MCM3AP: variants seen among roughly 807,000 people sequenced by gnomAD.
The protein encoded by MCM3AP is minichromosome maintenance complex component 3 associated protein, also known as germinal-center associated nuclear protein.
In MCM3AP, 126 loss-of-function variants were observed where a neutral mutation model predicts 184.1. The ratio of observed to expected loss-of-function variants is 0.68; its 90% confidence interval spans 0.59 to 0.79. The LOEUF (loss-of-function observed/expected upper bound fraction) is 0.79. Among genes scored for constraint, MCM3AP ranks in the 30% least tolerant of loss-of-function variants. MCM3AP has a pLI of 0.00. For synonymous variants in MCM3AP, 1,002 were observed against 979.3 expected (o/e 1.02, Z -0.43); for missense variants, 2,496 against 2,479.2 (o/e 1.01, Z -0.14).
At chr21:46,248,894 T>C (rs1449084690) in intron 20 of MCM3AP, among the ~76,000 whole-genome samples, 5 of 152,222 alleles carry the variant, frequency 3.3e-5, no homozygotes, top group South Asian at 2.1e-4. Flanking sequence ...AGAGGATCAA[T>C]TGATGAGGCC....
intron 4 of MCM3AP, among the ~76,000 whole-genome samples, chr21:46,279,447 C>T (rs1030043554): frequency 6.6e-6 from 1 of 152,256 alleles, no homozygotes; most frequent in South Asian, 2.1e-4. Context: ...TCCTGTGAGG[C>T]AGGCAGCGAC....
chr21:46,278,164 G>GA lies in MCM3AP; in HGVS notation c.1668-448dup, dbSNP rs10581831. On this transcript the variant is annotated intron_variant, in intron 4 of 27. Transcript: ENST00000291688. ...GTGAGACTCTAACTTACCACCCCCCGAAAAAAAAAAAAAGATAGGCTCATT... is the reference window on the plus strand; with the variant it reads ...GTGAGACTCTAACTTACCACCCCCCGAAAAAAAAAAAAAAGATAGGCTCATT... 8.7e-3 allele frequency among the ~76,000 whole-genome samples: 1,209 copies of GA among 139,082 alleles called. 14 individuals are homozygous for GA. The highest frequency in any genetic ancestry group is 0.03 in the African/African-American group (1,113 of 36,692). 91.2% of individuals were successfully genotyped at this position (139,082 alleles called of 152,430 possible). A position where few individuals can be genotyped will look rare whatever the true frequency, so the allele number is the denominator to read the frequency against.
chr21:46,263,620 C>T (rs988228810), intron 13 of MCM3AP, among the ~76,000 whole-genome samples: 3 of 150,758 alleles, frequency 2.0e-5, no homozygotes, highest in African/African-American at 7.3e-5. Context: ...AGCATCTCCA[C>T]AAAAAATAAA....
At chr21:46,279,910 C>A (rs1032985582) in intron 4 of MCM3AP, 83 bp downstream of exon 4, 5 of 1,426,620 alleles carry the variant, frequency 3.5e-6, no homozygotes, top group Non-Finnish European at 3.8e-6. Context: ...TCCCCACAGT[C>A]TTGCACCCTG....
intron 4 of MCM3AP, among the ~76,000 whole-genome samples, chr21:46,279,521 T>TCGG (rs2081300360): frequency 6.6e-6 from 1 of 152,242 alleles, no homozygotes; most frequent in Non-Finnish European, 1.5e-5. Context: ...GGACAGAAGT[T>TCGG]CTGCTGTCCT....
At chr21:46,275,362 A>G (rs755485799) in intron 5 of MCM3AP, 37 bp from the exon 6 acceptor site, 10 of 1,590,312 alleles carry the variant, frequency 6.3e-6, no homozygotes, top group Middle Eastern at 1.7e-4. Context: ...AATGTACCAC[A>G]TGGTTAGCAC....
chr21:46,246,170 A>T, intron 22 of MCM3AP, 137 bp downstream of exon 22: 1 of 625,750 alleles, frequency 1.6e-6, no homozygotes, highest in Non-Finnish European at 2.9e-6. Flanking sequence ...TCATCATGCC[A>T]CTATACTGGG....
chr21:46,260,207 G>T lies in MCM3AP; in HGVS notation c.3581+586C>A, dbSNP rs533883781. Among the ~76,000 whole-genome samples the T allele has an allele frequency of 4.4e-4, 67 of 152,276 alleles. 1 individual carries two copies. Among genetic ancestry groups the T allele is most frequent in the Non-Finnish European group, 7.8e-4 (53 of 68,014 alleles). On this transcript the variant is annotated intron_variant, in intron 15 of 27. Transcript: ENST00000291688. ...GGTAAAAAGAATTAAGTGGAACAGGGTGCCAAATTATAGGTCCATAGGGGC... is the reference window on the plus strand; with the variant it reads ...GGTAAAAAGAATTAAGTGGAACAGGTTGCCAAATTATAGGTCCATAGGGGC...
intron 4 of MCM3AP, 47 bp from the exon 5 acceptor site, chr21:46,277,764 T>C: frequency 8.0e-7 from 1 of 1,250,324 alleles, no homozygotes; most frequent in Non-Finnish European, 1.1e-6. Context: ...AGGAAGGCCT[T>C]CAGAGCATTT....
At chr21:46,261,491 T>C (rs539654047) in intron 13 of MCM3AP, 80 bp from the exon 14 acceptor site, 2 of 1,317,696 alleles carry the variant, frequency 1.5e-6, no homozygotes, top group African/African-American at 1.4e-5. Context: ...TCCCAGCACT[T>C]TGGGAGGCTG....
At chr21:46,251,805 TACC>T (rs2080873915) in intron 19 of MCM3AP, 123 bp from the exon 20 acceptor site, 2 of 518,228 alleles carry the variant, frequency 3.9e-6, no homozygotes, top group South Asian at 2.4e-5. Flanking sequence ...GGTCCACAAA[TACC>T]ACATCTTACT....
At chr21:46,236,795 T>G in intron 27 of MCM3AP, 34 bp downstream of exon 27, 2 of 1,449,620 alleles carry the variant, frequency 1.4e-6, no homozygotes, top group African/African-American at 1.5e-5. Flanking sequence ...TCTTTAATTC[T>G]TATGTAAATG....
At chr21:46,276,264 GAA>G (rs751873210) in intron 5 of MCM3AP, among the ~76,000 whole-genome samples, 1 of 129,880 alleles carries the variant, frequency 7.7e-6, no homozygotes. Flanking sequence ...CCATCTCGAG[GAA>G]AAAAAAAAAA....
intron 4 of MCM3AP, among the ~76,000 whole-genome samples, chr21:46,278,071 A>C (rs960617991): frequency 6.6e-6 from 1 of 151,956 alleles, no homozygotes; most frequent in Non-Finnish European, 1.5e-5. Flanking sequence ...GGATTGCTTG[A>C]GCCTGGCAGG....
chr21:46,252,504 T>G (rs2080889436), intron 19 of MCM3AP: 1 of 149,952 alleles, frequency 6.7e-6, no homozygotes, highest in South Asian at 2.1e-4. Context: ...CTGGGCAACA[T>G]CACAAAACCC....
At chr21:46,278,582 C>T (rs2081283402) in intron 4 of MCM3AP, among the ~76,000 whole-genome samples, 1 of 152,212 alleles carries the variant, frequency 6.6e-6, no homozygotes, top group African/African-American at 2.4e-5. Context: ...CTTCACATCA[C>T]ATGCCGGTTA....
chr21:46,273,552 G>A lies in MCM3AP; in HGVS notation c.2032C>T (p.Arg678Trp), dbSNP rs1054042539. The change falls in exon 7 of 28, where the codon CGG (arginine) becomes TGG (tryptophan). Residue 678 changes from arginine to tryptophan, a missense_variant. By Grantham distance (101) the Arg-to-Trp change is moderately radical (BLOSUM62 -3). Transcript: ENST00000291688. ...DHAAAVKEYS[R>W]SSADQEEPLP... is the part of the protein sequence containing the mutation. ...GGCTCCTCCTGATCCGCCGAGGACC[G>A]ACTGTACTCTTTCACAGCTGCTGCG... The A allele has an allele frequency of 6.2e-7, 1 of 1,613,824 alleles. No homozygotes were observed.
rs955056831 is a variant in MCM3AP, at chr21:46,280,837, G to A, written c.1444-262C>T. Among the ~76,000 whole-genome samples, 108 of 150,432 alleles carry A rather than the reference G, an allele frequency of 7.2e-4. 1 individual carries two copies. Among genetic ancestry groups the A allele is most frequent in the African/African-American group, 2.4e-3 (97 of 40,926 alleles). ...CTTTTTTTTTTTGAGACAGAGTCTCGCTCTGTCAGCCAGGCTGGAGTGCGG... is the reference window on the plus strand; with the variant it reads ...CTTTTTTTTTTTGAGACAGAGTCTCACTCTGTCAGCCAGGCTGGAGTGCGG... On this transcript the variant is annotated intron_variant, in intron 2 of 27. Coordinates refer to ENST00000291688, the MANE Select transcript of MCM3AP (RefSeq NM_003906.5).
chr21:46,239,203 C>G (rs2080603047), intron 26 of MCM3AP, among the ~76,000 whole-genome samples: 1 of 152,172 alleles, frequency 6.6e-6, no homozygotes, highest in Non-Finnish European at 1.5e-5. Context: ...ACTCAGGGCC[C>G]TGGCCACCCC....
Sources: allele counts gnomAD v4.1 joint callset (sites outside exome capture counted in the v4.1 genomes callset), GRCh38; gene constraint gnomAD v4.1.1; transcripts MANE v1.5; gene names NCBI Gene and HGNC (gene_info 2026-07-23, HGNC 2026-07-21).